The following PJVK variants were observed in gnomAD, a reference collection of about 807,000 sequenced individuals.
PJVK encodes the protein autosomal recessive deafness type 59 protein.
PJVK carries 33 observed loss-of-function variants against 37.6 expected under a neutral mutation model. That is an observed-to-expected ratio of 0.88 (90% CI 0.67 to 1.17). The LOEUF is 1.17. Ranked by LOEUF, PJVK falls within the 50% of genes most tolerant of loss-of-function variation. PJVK has a pLI of 0.00. For missense variants in PJVK, 410 were observed against 413.8 expected, an observed-to-expected ratio of 0.99 and a Z score of 0.08; for synonymous variants, 141 against 143.5, an observed-to-expected ratio of 0.98 and a Z score of 0.13.
At chr2:178,456,277 T>A (rs1203310819) in intron 4 of PJVK, 126 bp downstream of exon 4, 8 of 1,266,448 alleles carry the variant, frequency 6.3e-6, no homozygotes, top group East Asian at 5.1e-5. Flanking sequence ...TGCAGTTGTA[T>A]AGGATTTTGC....
chr2:178,454,299 T>G (rs780233776), intron 2 of PJVK, 33 bp from the exon 3 acceptor site: 28 of 1,557,880 alleles, frequency 1.8e-5, no homozygotes, highest in African/African-American at 2.7e-5. Flanking sequence ...AAGATAAAGA[T>G]GTTTAAAAAA....
intron 2 of PJVK, 164 bp from the exon 3 acceptor site, chr2:178,454,168 T>G: frequency 1.7e-6 from 1 of 577,142 alleles, no homozygotes; most frequent in Non-Finnish European, 3.0e-6. Context: ...GTGTTTCTTT[T>G]TGTTGTAAGA....
chr2:178,452,204 A>T, intron 1 of PJVK: 1 of 732,594 alleles, frequency 1.4e-6, no homozygotes, highest in Non-Finnish European at 1.7e-6. Flanking sequence ...AAAGCAGGAG[A>T]ATCGCTTGAA....
Position 178,452,386 on chromosome 2 carries a change from A to G in PJVK, c.-23+617A>G. On this transcript the variant is annotated intron_variant, in intron 1 of 6. Coordinates refer to ENST00000644580, the MANE Select transcript of PJVK (RefSeq NM_001042702.5). ...AGTGAAAGATGTTCAGAATCTAATCAAATTATATCATCTGATGCTTTAATT... is the reference window on the plus strand; with the variant it reads ...AGTGAAAGATGTTCAGAATCTAATCGAATTATATCATCTGATGCTTTAATT... 5.1e-6 allele frequency: 5 copies of G among 985,222 alleles called. No homozygotes were observed. The South Asian group carries it at 1.9e-4, about 37-fold the overall frequency. 61.0% of individuals were successfully genotyped at this position (985,222 alleles called of 1,614,324 possible).
intron 5 of PJVK, chr2:178,459,321 A>G (rs1018069657): frequency 2.4e-6 from 1 of 417,290 alleles, no homozygotes; most frequent in East Asian, 7.3e-5. Flanking sequence ...GCAATTTTGT[A>G]GGAGGAGGGA....
Position 178,455,996 on chromosome 2 carries a change from C to T in PJVK, c.408-14C>T. 6.2e-7 allele frequency: 1 copy of T among 1,613,054 alleles called. No individual in the cohort carries two copies. Among genetic ancestry groups the T allele is most frequent in the Non-Finnish European group, 8.5e-7 (1 of 1,179,414 alleles). On this transcript the variant is annotated splice_polypyrimidine_tract_variant and intron_variant, in intron 3 of 6. Transcript: ENST00000644580. ...ATGTTATAGAGTCTTGTGAATGTAT[C>T]TTCTTTATTTTAGAAAAATTAACTT...
chr2:178,456,463 T>G (rs1684094179), intron 4 of PJVK, among the ~76,000 whole-genome samples: 1 of 152,162 alleles, frequency 6.6e-6, no homozygotes, highest in Non-Finnish European at 1.5e-5. Context: ...ATTGATTTTA[T>G]TTTTAAGTGA....
At chr2:178,460,187 A>C (rs1454367161) in intron 5 of PJVK, among the ~76,000 whole-genome samples, 161 bp from the exon 6 acceptor site, 1 of 152,250 alleles carries the variant, frequency 6.6e-6, no homozygotes, top group Non-Finnish European at 1.5e-5. Context: ...TCCTTTCTGT[A>C]TGAATTTTGT....
intron 4 of PJVK, among the ~76,000 whole-genome samples, chr2:178,457,065 T>G (rs1450491444): frequency 1.3e-5 from 2 of 151,694 alleles, no homozygotes; most frequent in Non-Finnish European, 2.9e-5. Flanking sequence ...GCCTCCCGGG[T>G]TCATGCCATT....
chr2:178,461,119 C>T lies in PJVK; in HGVS notation c.904C>T (p.His302Tyr), dbSNP rs769252238. 1.9e-6 allele frequency: 3 copies of T among 1,614,114 alleles called. No individual in the cohort carries two copies. Among genetic ancestry groups the T allele is most frequent in the Admixed American group, 1.7e-5 (1 of 60,010 alleles). The change falls in exon 7 of 7, where the codon CAC becomes TAC. Residue 302 changes from histidine to tyrosine, a missense_variant. Coordinates refer to ENST00000644580, the MANE Select transcript of PJVK (RefSeq NM_001042702.5). ...CCATATCCGAGTTAACTTACTTAAT[C>T]ACAACATTCCCAAAGGGCCTTGCAT... ...GTHIRVNLLNHNIPKGPCILC... is the reference protein window; with the variant it reads ...GTHIRVNLLNYNIPKGPCILC...
intron 1 of PJVK, among the ~76,000 whole-genome samples, chr2:178,452,084 G>T (rs1697707374): frequency 6.6e-6 from 1 of 152,180 alleles, no homozygotes; most frequent in Non-Finnish European, 1.5e-5. Flanking sequence ...CCTGAAGTAA[G>T]CAGTTCGAGA....
At chr2:178,459,189 A>C (rs1344389798) in intron 5 of PJVK, 2 of 472,218 alleles carry the variant, frequency 4.2e-6, no homozygotes, top group Non-Finnish European at 8.8e-6. Context: ...TCTACATTTC[A>C]CAGGTCTTTA....
Position 178,461,093 on chromosome 2 carries a change from C to A in PJVK, c.878C>A (p.Thr293Asn), listed in dbSNP as rs1048444139. 3 of 1,613,984 alleles carry A rather than the reference C, an allele frequency of 1.9e-6. No individual in the cohort carries two copies. The highest frequency in any genetic ancestry group is 2.5e-6 in the Non-Finnish European group (3 of 1,180,034). ...ACTGATATTTCACTCAAAGAAGGGA[C>A]CCATATCCGAGTTAACTTACTTAAT... ...SMTDISLKEG[T>N]HIRVNLLNHN... The change falls in exon 7 of 7, where the codon ACC becomes AAC. Residue 293 changes from threonine (T) to asparagine (N), a missense_variant. Thr to Asn is a moderately conservative substitution (Grantham distance 65). Coordinates refer to ENST00000644580, the MANE Select transcript of PJVK (RefSeq NM_001042702.5).
At chr2:178,456,745 T>G (rs1684119134) in intron 4 of PJVK, among the ~76,000 whole-genome samples, 1 of 151,724 alleles carries the variant, frequency 6.6e-6, no homozygotes, top group African/African-American at 2.4e-5. Context: ...CTAACCTGGG[T>G]GGCAGAGTGA....
chr2:178,454,657 A>G (rs1697937801), intron 3 of PJVK, 130 bp downstream of exon 3: 3 of 1,426,710 alleles, frequency 2.1e-6, no homozygotes, highest in Non-Finnish European at 1.9e-6. Flanking sequence ...TATGTTTGAA[A>G]TACATTGGTA....
chr2:178,458,779 A>G, intron 5 of PJVK, 152 bp downstream of exon 5: 1 of 790,628 alleles, frequency 1.3e-6, no homozygotes, highest in Non-Finnish European at 2.2e-6. Flanking sequence ...CTTTGGCAAA[A>G]TAGCTGAGAA....
chr2:178,451,408 G>A lies in PJVK; in HGVS notation c.-384G>A. ...GCCTGTAGTAACTGGCCCCTAGGCCGCAGTTCTTTGTCCTTAGCAGGAGGC... is the reference window on the plus strand; with the variant it reads ...GCCTGTAGTAACTGGCCCCTAGGCCACAGTTCTTTGTCCTTAGCAGGAGGC... On this transcript the variant is annotated 5_prime_UTR_variant, in exon 1 of 7. Transcript: ENST00000644580. 7.2e-6 allele frequency: 2 copies of A among 275,980 alleles called. No individual in the cohort carries two copies. The highest frequency in any genetic ancestry group is 6.9e-6 in the Non-Finnish European group (1 of 144,628). The allele number at this position is 275,980 out of a possible 1,614,324, so 17.1% of individuals were successfully genotyped here. A position where few individuals can be genotyped will look rare whatever the true frequency, so the allele number is the denominator to read the frequency against.
intron 3 of PJVK, 140 bp from the exon 4 acceptor site, chr2:178,455,870 G>A: frequency 2.3e-6 from 2 of 878,520 alleles, no homozygotes; most frequent in Non-Finnish European, 3.5e-6. Context: ...TTTCTTTTGG[G>A]TGTATTTTCT....
intron 2 of PJVK, 179 bp from the exon 3 acceptor site, chr2:178,454,153 G>T: frequency 3.7e-6 from 2 of 535,490 alleles, no homozygotes; most frequent in East Asian, 3.4e-5. Context: ...AAGAATTCTG[G>T]CTATGTGTTT....
Sources: gnomAD v4.1 joint callset for allele counts (sites outside exome capture counted in the v4.1 genomes callset) on GRCh38, gnomAD v4.1.1 for gene constraint, MANE v1.5 for transcripts, NCBI Gene and HGNC (gene_info 2026-07-23, HGNC 2026-07-21) for gene names.